ATG7: variants seen among roughly 807,000 people sequenced by gnomAD.
The protein encoded by ATG7 is ubiquitin-like modifier-activating enzyme ATG7.
A neutral mutation model predicts 82.4 loss-of-function variants in ATG7; 70 were observed. The observed-to-expected ratio is 0.85, with a 90% confidence interval of 0.70 to 1.04. The LOEUF is 1.04. Ranked by LOEUF, ATG7 falls within the 50% of genes least tolerant of loss-of-function variation. The pLI is 0.00. For missense variants in ATG7, 792 were observed against 864.3 expected (o/e 0.92, Z 1.05); for synonymous variants, 287 against 313.0 (o/e 0.92, Z 0.88).
At chr3:11,543,225 T>C (rs2070983338) in intron 20 of ATG7, among the ~76,000 whole-genome samples, 1 of 152,220 alleles carries the variant, frequency 6.6e-6, no homozygotes, top group Admixed American at 6.5e-5. Flanking sequence ...GCCTTGGCCA[T>C]GACTGTCTTT....
At chr3:11,381,323 G>A (rs1488326456) in intron 19 of ATG7, among the ~76,000 whole-genome samples, 1 of 151,868 alleles carries the variant, frequency 6.6e-6, no homozygotes, top group Non-Finnish European at 1.5e-5. Context: ...TTGAATGGTT[G>A]AGCTAACTGG....
At chr3:11,466,731 A>G (rs2086862558) in intron 20 of ATG7, among the ~76,000 whole-genome samples, 1 of 152,236 alleles carries the variant, frequency 6.6e-6, no homozygotes, top group Non-Finnish European at 1.5e-5. Context: ...CATCTATAGA[A>G]ACTCAACTGT....
rs1306362836 is a variant in ATG7, at chr3:11,526,181, A to G, written c.2080-28630A>G. Among the ~76,000 whole-genome samples, 3 of 152,178 alleles carry G rather than the reference A, an allele frequency of 2.0e-5. No homozygotes were observed. The East Asian group carries it at 5.8e-4, about 29-fold the overall frequency. On this transcript the variant is annotated intron_variant, in intron 20 of 20. Coordinates refer to ENST00000693202, the MANE Select transcript of ATG7 (RefSeq NM_001349232.2). Reference sequence around the variant, plus strand: ...TGAGGTGGTCAGATCGCTTGAGCTCAGGAGTTCAAGACTAGCCTTGGCAAC... The same window carrying G: ...TGAGGTGGTCAGATCGCTTGAGCTCGGGAGTTCAAGACTAGCCTTGGCAAC...
At chr3:11,516,296 C>G (rs1559786984) in intron 20 of ATG7, among the ~76,000 whole-genome samples, 1 of 151,876 alleles carries the variant, frequency 6.6e-6, no homozygotes, top group East Asian at 1.9e-4. Flanking sequence ...TGTAACAAAC[C>G]TGCACGTTGT....
At chr3:11,558,464 C>A, downstream of ATG7, 3 of 1,203,050 alleles carry the variant, frequency 2.5e-6, no homozygotes, top group Non-Finnish European at 3.4e-6. Flanking sequence ...TCCCCCCACC[C>A]CACCCCCATG....
chr3:11,576,185 T>G, the ATG7 span, among the ~76,000 whole-genome samples: 5 of 152,206 alleles, frequency 3.3e-5, no homozygotes, highest in Admixed American at 3.3e-4. Context: ...CAGCCAGCAG[T>G]GGATGCCCAC....
chr3:11,350,450 TACTC>T (rs1455239814), intron 14 of ATG7, among the ~76,000 whole-genome samples: 1 of 152,238 alleles, frequency 6.6e-6, no homozygotes, highest in Non-Finnish European at 1.5e-5. Flanking sequence ...AGGCTGAACT[TACTC>T]AATAAGCCAC....
chr3:11,525,753 A>G (rs867078770), intron 20 of ATG7, among the ~76,000 whole-genome samples: 1 of 151,508 alleles, frequency 6.6e-6, no homozygotes, highest in Non-Finnish European at 1.5e-5. Context: ...ACGGGGTTTC[A>G]CCGTGTTAGC....
the ATG7 span, chr3:11,564,781 C>G: frequency 1.3e-6 from 2 of 1,541,304 alleles, no homozygotes; most frequent in Non-Finnish European, 1.7e-6. Context: ...CGCCACCCTC[C>G]CAGACAGAGG....
chr3:11,554,458 G>GA (rs1159996511), intron 20 of ATG7, among the ~76,000 whole-genome samples: 2 of 152,222 alleles, frequency 1.3e-5, no homozygotes, highest in African/African-American at 4.8e-5. Context: ...ACCACAAGGA[G>GA]AACAAGCTGG....
chr3:11,395,887 C>A (rs150198875), intron 19 of ATG7, among the ~76,000 whole-genome samples: 1 of 128,568 alleles, frequency 7.8e-6, no homozygotes, highest in Non-Finnish European at 1.5e-5. Context: ...TCGCAGTGAG[C>A]GGAGGTCACA....
At chr3:11,522,542 G>A (rs955553249) in intron 20 of ATG7, among the ~76,000 whole-genome samples, 1 of 152,142 alleles carries the variant, frequency 6.6e-6, no homozygotes, top group Non-Finnish European at 1.5e-5. Flanking sequence ...ACTTAGGCAA[G>A]GCCACTGAGA....
At chr3:11,339,148 T>C (rs1953046251) in intron 11 of ATG7, among the ~76,000 whole-genome samples, 2 of 151,706 alleles carry the variant, frequency 1.3e-5, no homozygotes, top group African/African-American at 4.8e-5. Context: ...TACAAAAAAT[T>C]AGCCGGGCAT....
chr3:11,358,955 G>A (rs2076109799), intron 15 of ATG7, among the ~76,000 whole-genome samples: 1 of 152,216 alleles, frequency 6.6e-6, no homozygotes, highest in African/African-American at 2.4e-5. Flanking sequence ...ATGTTGAATA[G>A]TGAACTAAAT....
At chr3:11,342,739 A>G (rs1285460916) in intron 13 of ATG7, among the ~76,000 whole-genome samples, 1 of 151,844 alleles carries the variant, frequency 6.6e-6, no homozygotes, top group East Asian at 1.9e-4. Context: ...TATGTTCTTT[A>G]TTTAATCAAT....
chr3:11,558,436 A>G (rs1164641251), downstream of ATG7: 28 of 1,409,110 alleles, frequency 2.0e-5, no homozygotes, highest in Non-Finnish European at 2.3e-5. Context: ...GTTTTTGCAA[A>G]TAAACCATCC....
intron 17 of ATG7, chr3:11,363,211 A>C (rs924757207): frequency 3.0e-5 from 7 of 234,546 alleles, no homozygotes; most frequent in Non-Finnish European, 5.0e-5. Flanking sequence ...GCACTGTTCT[A>C]AGCACCTTAG....
intron 9 of ATG7, among the ~76,000 whole-genome samples, chr3:11,316,816 A>G (rs1224904218): frequency 6.6e-6 from 1 of 152,230 alleles, no homozygotes; most frequent in Non-Finnish European, 1.5e-5. Context: ...TATGAGTGTT[A>G]TGAAGTTCTG....
At chr3:11,326,901 C>T (rs989797389) in intron 9 of ATG7, among the ~76,000 whole-genome samples, 2 of 152,050 alleles carry the variant, frequency 1.3e-5, no homozygotes, top group Admixed American at 6.6e-5. Flanking sequence ...TAGGAGAATC[C>T]CAGGGTTAAA....
Sources: allele counts gnomAD v4.1 joint callset (sites outside exome capture counted in the v4.1 genomes callset), GRCh38; gene constraint gnomAD v4.1.1; transcripts MANE v1.5; gene names NCBI Gene and HGNC (gene_info 2026-07-23, HGNC 2026-07-21).